Variants in KCNIP4 observed in about 807,000 individuals in gnomAD.
KCNIP4 encodes the protein Kv channel-interacting protein 4.
KCNIP4 carries 12 observed loss-of-function variants against 34.0 expected under a neutral mutation model. The observed-to-expected ratio is 0.35, with a 90% confidence interval of 0.23 to 0.57. The LOEUF (loss-of-function observed/expected upper bound fraction) is 0.57, where lower values mean the gene tolerates loss of function less well. KCNIP4 is among the 20% of genes least tolerant of loss of function. The pLI is 0.83. For missense variants in KCNIP4, 238 were observed against 311.7 expected (o/e 0.76, Z 1.78); for synonymous variants, 124 against 102.2 (o/e 1.21, Z -1.29).
chr4:21,212,822 T>G (rs2108981639), intron 1 of KCNIP4, among the ~76,000 whole-genome samples: 1 of 152,228 alleles, frequency 6.6e-6, no homozygotes, highest in East Asian at 1.9e-4. Context: ...TTACAGTGGG[T>G]TAGGATTTCA....
At chr4:21,566,319 C>A (rs543793687) in intron 1 of KCNIP4, among the ~76,000 whole-genome samples, 4 of 152,194 alleles carry the variant, frequency 2.6e-5, no homozygotes, top group Admixed American at 2.0e-4. Context: ...GTATCCCTAC[C>A]CAAATCTCAT....
At chr4:21,762,220 C>A (rs1718106357) in intron 1 of KCNIP4, among the ~76,000 whole-genome samples, 1 of 151,958 alleles carries the variant, frequency 6.6e-6, no homozygotes, top group African/African-American at 2.4e-5. Context: ...ATATTCAACT[C>A]AATATATTCA....
At chr4:21,562,240 AC>A (rs909029557) in intron 1 of KCNIP4, among the ~76,000 whole-genome samples, 29 of 152,000 alleles carry the variant, frequency 1.9e-4, no homozygotes, top group African/African-American at 7.0e-4. Flanking sequence ...AAATTGCTGA[AC>A]CCTGGGATAC....
At chr4:21,333,029 G>A (rs576578808) in intron 1 of KCNIP4, among the ~76,000 whole-genome samples, 1 of 152,036 alleles carries the variant, frequency 6.6e-6, no homozygotes, top group East Asian at 1.9e-4. Flanking sequence ...CTGAAATGCT[G>A]TTTCCCTGAA....
intron 1 of KCNIP4, among the ~76,000 whole-genome samples, chr4:21,714,785 G>GATTTTTATTTTATTTTATTTT (rs1560655293): frequency 2.3e-5 from 1 of 43,372 alleles, no homozygotes; most frequent in African/African-American, 2.0e-4. Flanking sequence ...ATTTCCCTTT[G>GATTTTTATTTTATTTTATTTT]ATTATTTTAT....
At chr4:21,623,542 AG>A (rs956589150) in intron 1 of KCNIP4, among the ~76,000 whole-genome samples, 1 of 152,142 alleles carries the variant, frequency 6.6e-6, no homozygotes, top group African/African-American at 2.4e-5. Context: ...CCCAAACTTT[AG>A]CTTTTAGTTT....
intron 1 of KCNIP4, among the ~76,000 whole-genome samples, chr4:21,658,461 G>T (rs919586940): frequency 6.6e-6 from 1 of 151,994 alleles, no homozygotes; most frequent in African/African-American, 2.4e-5. Context: ...TATTGCCCAG[G>T]CTGGAGTGCA....
chr4:21,385,596 G>A (rs935851628), intron 1 of KCNIP4, among the ~76,000 whole-genome samples: 4 of 152,148 alleles, frequency 2.6e-5, no homozygotes, highest in Admixed American at 6.5e-5. Context: ...GAATGATTGC[G>A]AATAGCAAAA....
intron 1 of KCNIP4, among the ~76,000 whole-genome samples, chr4:21,528,590 T>C (rs1736180605): frequency 6.6e-6 from 1 of 150,456 alleles, no homozygotes; most frequent in African/African-American, 2.5e-5. Flanking sequence ...TCACTTAAAC[T>C]TGGGAGGTGG....
chr4:21,201,705 A>T (rs1243264307), intron 1 of KCNIP4, among the ~76,000 whole-genome samples: 2 of 152,094 alleles, frequency 1.3e-5, no homozygotes, highest in African/African-American at 4.8e-5. Context: ...TCACCATGTT[A>T]GCCAGGAAGG....
chr4:21,808,574 G>A (rs1721437616), intron 1 of KCNIP4, among the ~76,000 whole-genome samples: 1 of 152,110 alleles, frequency 6.6e-6, no homozygotes, highest in African/African-American at 2.4e-5. Context: ...TAGACTATTA[G>A]TAGTTAAGTT....
In KCNIP4 at chr4:21,602,651, A is replaced by C. The variant is rs189662990; in HGVS notation, c.61+345920T>G. Among the ~76,000 whole-genome samples the C allele has an allele frequency of 1.3e-3, 191 of 152,310 alleles. 2 individuals carry two copies. The highest frequency in any genetic ancestry group is 0.011 in the Admixed American group (171 of 15,290). ...ATCCTTATTATATTGCTCAGAATGT[A>C]TTTTAAATATATTTGGTCATTTATG... is the stretch of plus-strand genomic sequence containing the variant. On this transcript the variant is annotated intron_variant, in intron 1 of 8. Transcript: ENST00000382152.
intron 3 of KCNIP4, among the ~76,000 whole-genome samples, chr4:20,797,971 T>C (rs1383855687): frequency 6.6e-6 from 1 of 152,210 alleles, no homozygotes; most frequent in Non-Finnish European, 1.5e-5. Flanking sequence ...TAAATCAGTG[T>C]TTTTAGCCTC....
At chr4:21,053,773 TA>T (rs531025982) in intron 1 of KCNIP4, among the ~76,000 whole-genome samples, 21 of 152,254 alleles carry the variant, frequency 1.4e-4, no homozygotes, top group Non-Finnish European at 2.8e-4. Flanking sequence ...TAGTATCCAA[TA>T]AATAAAATAT....
intron 2 of KCNIP4, among the ~76,000 whole-genome samples, chr4:20,859,213 C>A (rs1320759617): frequency 7.5e-6 from 1 of 132,944 alleles, no homozygotes; most frequent in African/African-American, 2.6e-5. Flanking sequence ...GGAAGGAACA[C>A]AGGAAACTGT....
At chr4:20,806,502 T>C (rs1447993568) in intron 3 of KCNIP4, among the ~76,000 whole-genome samples, 1 of 151,998 alleles carries the variant, frequency 6.6e-6, no homozygotes, top group Non-Finnish European at 1.5e-5. Context: ...TTTGACCTTC[T>C]TATTTTTTTT....
At position 20,985,420 on chromosome 4, in the gene KCNIP4, T is replaced by G. The variant is rs11943068; in HGVS notation, c.62-102711A>C. 7.8e-3 allele frequency among the ~76,000 whole-genome samples: 1,187 copies of G among 152,292 alleles called. 17 individuals are homozygous for G. The highest frequency in any genetic ancestry group is 0.027 in the African/African-American group (1,119 of 41,550). On this transcript the variant is annotated intron_variant, in intron 1 of 8. Transcript: ENST00000382152. ...CCTACATCTCTACGTGGTAGACAAA[T>G]TAATCTACCACATAAGTGGCAGATT...
chr4:21,755,480 C>T (rs981405898), intron 1 of KCNIP4, among the ~76,000 whole-genome samples: 13 of 152,102 alleles, frequency 8.5e-5, no homozygotes, highest in South Asian at 2.1e-4. Context: ...GACTTACCCC[C>T]GGGGCAACTG....
intron 3 of KCNIP4, among the ~76,000 whole-genome samples, chr4:20,839,655 T>A (rs1719492596): frequency 6.6e-6 from 1 of 152,068 alleles, no homozygotes; most frequent in South Asian, 2.1e-4. Context: ...ATAATGGTGC[T>A]AATAGTGATA....
Sources: gnomAD v4.1 joint callset for allele counts (sites outside exome capture counted in the v4.1 genomes callset) on GRCh38, gnomAD v4.1.1 for gene constraint, MANE v1.5 for transcripts, NCBI Gene and HGNC (gene_info 2026-07-23, HGNC 2026-07-21) for gene names.